Variants in GTF2A1L observed in about 807,000 individuals in gnomAD.
GTF2A1L encodes the protein TFIIA-alpha and beta-like factor.
GTF2A1L carries 48 observed loss-of-function variants against 49.7 expected under a neutral mutation model. The ratio of observed to expected loss-of-function variants is 0.97; its 90% CI spans 0.77 to 1.23. The LOEUF (loss-of-function observed/expected upper bound fraction) is 1.23. GTF2A1L is among the 50% of genes most tolerant of loss of function. The pLI is 0.00. For missense variants in GTF2A1L, 736 were observed against 564.8 expected, an observed-to-expected ratio of 1.30 and a Z score of -3.07; for synonymous variants, 246 against 193.5, an observed-to-expected ratio of 1.27 and a Z score of -2.25.
In GTF2A1L at chr2:48,669,766, T is replaced by C. The variant is rs769651757; in HGVS notation, c.1023T>C (p.Asp341=). Residue 341 remains aspartate, a synonymous_variant, in exon 7 of 9, where the codon GAT becomes GAC. Coordinates refer to ENST00000403751, the MANE Select transcript of GTF2A1L (RefSeq NM_006872.5). ...QVDLSIRVTD[D]DIGEIIQVDG... ...ATTTAAGCATTCGGGTTACTGATGA[T>C]GATATTGGTGAAATAATTCAAGTAG... 30 of 1,613,836 alleles carry C rather than the reference T, an allele frequency of 1.9e-5. No individual in the cohort carries two copies. Among genetic ancestry groups the C allele is most frequent in the Non-Finnish European group, 2.5e-5 (29 of 1,179,958 alleles).
chr2:48,631,268 G>A (rs1421547492), intron 3 of GTF2A1L, among the ~76,000 whole-genome samples: 1 of 152,032 alleles, frequency 6.6e-6, no homozygotes, highest in Non-Finnish European at 1.5e-5. Flanking sequence ...CTTTTTTTGG[G>A]TGGTAGGTTT....
Position 48,646,573 on chromosome 2 carries a change from C to G in GTF2A1L, c.509C>G (p.Thr170Ser), listed in dbSNP as rs1677521934. The G allele has an allele frequency of 1.2e-6, 2 of 1,614,182 alleles. No individual in the cohort carries two copies. The highest frequency in any genetic ancestry group is 1.3e-5 in the African/African-American group (1 of 75,048). The part of the protein sequence containing the change: ...QQLGQPSVIQ[T>S]SVPQLNPWSL... Reference sequence around the variant, plus strand: ...CTTGGCCAGCCTTCAGTAATACAAACTAGTGTTCCACAATTGAATCCATGG... The same window carrying G: ...CTTGGCCAGCCTTCAGTAATACAAAGTAGTGTTCCACAATTGAATCCATGG... Residue 170 changes from threonine (T) to serine (S), a missense_variant, in exon 6 of 9, where the codon ACT (threonine) becomes AGT (serine). Thr to Ser is a moderately conservative substitution (Grantham distance 58, BLOSUM62 1). Coordinates refer to ENST00000403751, the MANE Select transcript of GTF2A1L (RefSeq NM_006872.5).
intron 1 of GTF2A1L, among the ~76,000 whole-genome samples, chr2:48,619,958 C>T (rs17326067): frequency 0.021 from 3,123 of 152,154 alleles, 40 homozygotes; most frequent in Non-Finnish European, 0.032. Context: ...GTAGGAAATC[C>T]GTTTTGGAAC....
intron 6 of GTF2A1L, among the ~76,000 whole-genome samples, chr2:48,658,212 TC>T (rs1397412541): frequency 6.6e-6 from 1 of 152,200 alleles, no homozygotes; most frequent in Non-Finnish European, 1.5e-5. Context: ...TCAAGTTTTT[TC>T]TAGGATTGTT....
intron 6 of GTF2A1L, among the ~76,000 whole-genome samples, chr2:48,658,459 A>G (rs994281720): frequency 1.3e-5 from 2 of 152,092 alleles, no homozygotes; most frequent in Non-Finnish European, 2.9e-5. Context: ...CCATTGGTCT[A>G]TGTGTCTGTT....
chr2:48,640,242 G>A (rs1170251413), intron 3 of GTF2A1L, among the ~76,000 whole-genome samples: 2 of 151,822 alleles, frequency 1.3e-5, no homozygotes, highest in East Asian at 1.9e-4. Context: ...AGACGCATGC[G>A]AATGTTCATT....
At chr2:48,617,928 G>A in intron 1 of GTF2A1L, 33 bp downstream of exon 1, 1 of 1,551,004 alleles carries the variant, frequency 6.4e-7, no homozygotes, top group Non-Finnish European at 8.7e-7. Context: ...TGTAGAGGGA[G>A]CGCCCTGGGA....
At position 48,617,868 on chromosome 2, in the gene GTF2A1L, T is replaced by C; in HGVS notation, c.-7T>C. 6.4e-7 allele frequency: 1 copy of C among 1,551,744 alleles called. No homozygotes were observed. On this transcript the variant is annotated 5_prime_UTR_variant, in exon 1 of 9. Transcript: ENST00000403751. ...GGCGCAAAGGGCCAGGTGCTGGAGG[T>C]GCTGTCATGGCCTGCCTCAACCCGG... is the stretch of plus-strand genomic sequence containing the variant.
At chr2:48,671,182 G>A (rs1679144407) in intron 7 of GTF2A1L, among the ~76,000 whole-genome samples, 1 of 151,518 alleles carries the variant, frequency 6.6e-6, no homozygotes, top group Non-Finnish European at 1.5e-5. Context: ...TGCTGCTCTA[G>A]GTTCCTTTAT....
At chr2:48,663,044 A>C (rs1230370592) in intron 6 of GTF2A1L, among the ~76,000 whole-genome samples, 1 of 152,142 alleles carries the variant, frequency 6.6e-6, no homozygotes, top group East Asian at 1.9e-4. Flanking sequence ...AAACCTGTAC[A>C]TATACCCCTG....
intron 3 of GTF2A1L, among the ~76,000 whole-genome samples, chr2:48,638,240 A>G (rs1382783606): frequency 6.6e-6 from 1 of 152,204 alleles, no homozygotes; most frequent in Non-Finnish European, 1.5e-5. Context: ...TGAGGCCAGC[A>G]TCATCCCGAT....
intron 5 of GTF2A1L, among the ~76,000 whole-genome samples, chr2:48,646,109 G>A (rs1335343604): frequency 6.6e-6 from 1 of 152,070 alleles, no homozygotes; most frequent in Non-Finnish European, 1.5e-5. Flanking sequence ...TTAAAATCCA[G>A]TTTTTTGGCT....
In GTF2A1L at chr2:48,646,932, C is replaced by T. The variant is rs1190329638; in HGVS notation, c.868C>T (p.His290Tyr). 4.3e-6 allele frequency: 7 copies of T among 1,614,034 alleles called. No individual in the cohort carries two copies. In the Admixed American group the frequency reaches 1.0e-4, roughly 23 times the overall value. ...AAGCCCTCATGGGGCTCTCCACCAG[C>T]ACGTGACTGATATTCAGCTTCATAT... Reference protein sequence around the residue: ...STSPHGALHQHVTDIQLHILK... With the variant: ...STSPHGALHQYVTDIQLHILK... Residue 290 changes from histidine (H) to tyrosine (Y), a missense_variant, in exon 6 of 9, where the codon CAC (histidine) becomes TAC (tyrosine). His to Tyr is a moderately conservative substitution (Grantham distance 83). Transcript: ENST00000403751.
At chr2:48,653,801 C>T (rs1678003984) in intron 6 of GTF2A1L, among the ~76,000 whole-genome samples, 1 of 151,510 alleles carries the variant, frequency 6.6e-6, no homozygotes, top group African/African-American at 2.4e-5. Flanking sequence ...GGCATGGTGG[C>T]ACACACCTGT....
intron 6 of GTF2A1L, among the ~76,000 whole-genome samples, chr2:48,648,114 T>C (rs915649740): frequency 5.3e-5 from 8 of 152,094 alleles, no homozygotes; most frequent in Non-Finnish European, 7.4e-5. Context: ...AGAAACTATT[T>C]GGCCTGTTTT....
intron 3 of GTF2A1L, among the ~76,000 whole-genome samples, chr2:48,633,873 T>C (rs1676727276): frequency 7.8e-6 from 1 of 127,500 alleles, no homozygotes; most frequent in Non-Finnish European, 1.7e-5. Flanking sequence ...ATTGAATGCT[T>C]ATCATTATAT....
chr2:48,633,060 T>C (rs947972389), intron 3 of GTF2A1L: 5 of 252,912 alleles, frequency 2.0e-5, no homozygotes, highest in Non-Finnish European at 4.0e-5. Context: ...CATGTTGGCC[T>C]TTGATTGATT....
chr2:48,634,066 T>G (rs1250067075), intron 3 of GTF2A1L, among the ~76,000 whole-genome samples: 2 of 152,180 alleles, frequency 1.3e-5, no homozygotes, highest in African/African-American at 4.8e-5. Context: ...TTGTGCCTTT[T>G]TAGTGGAGTG....
At chr2:48,659,142 T>C (rs1678348110) in intron 6 of GTF2A1L, among the ~76,000 whole-genome samples, 1 of 152,142 alleles carries the variant, frequency 6.6e-6, no homozygotes, top group African/African-American at 2.4e-5. Flanking sequence ...TGTCCTTCCA[T>C]AGTCTGGTAA....
Sources: gnomAD v4.1 joint callset for allele counts (sites outside exome capture counted in the v4.1 genomes callset) on GRCh38, gnomAD v4.1.1 for gene constraint, MANE v1.5 for transcripts, NCBI Gene and HGNC (gene_info 2026-07-23, HGNC 2026-07-21) for gene names.